FBXW11: variants seen among roughly 807,000 people sequenced by gnomAD.
The protein encoded by FBXW11 is F-box and WD repeat domain containing 11.
In FBXW11, 19 loss-of-function variants were observed where a neutral mutation model predicts 77.6. The ratio of observed to expected loss-of-function variants is 0.24; its 90% CI spans 0.17 to 0.36. The LOEUF (loss-of-function observed/expected upper bound fraction) is 0.36, where lower values mean the gene tolerates loss of function less well. Among genes scored for constraint, FBXW11 ranks in the 10% least tolerant of loss-of-function variants. The pLI is 1.00. For missense variants in FBXW11, 334 were observed against 704.2 expected (o/e 0.47, Z 5.95); for synonymous variants, 235 against 249.4 (o/e 0.94, Z 0.54).
At chr5:171,890,487 C>A (rs78670798) in intron 7 of FBXW11, among the ~76,000 whole-genome samples, 835 of 126,188 alleles carry the variant, frequency 6.6e-3, no homozygotes, top group Admixed American at 7.6e-3. Context: ...GACTCCGTCT[C>A]AAAAAAAAAA....
chr5:171,883,652 T>C (rs1480691060), intron 7 of FBXW11, among the ~76,000 whole-genome samples: 1 of 152,214 alleles, frequency 6.6e-6, no homozygotes, highest in African/African-American at 2.4e-5. Context: ...CTACTGTTTT[T>C]TGATTTTTTT....
chr5:171,939,065 C>T (rs1030083845), intron 2 of FBXW11, among the ~76,000 whole-genome samples: 1 of 151,670 alleles, frequency 6.6e-6, no homozygotes, highest in Non-Finnish European at 1.5e-5. Flanking sequence ...GAAACCTCAT[C>T]TCTACTAAAA....
At chr5:171,929,676 C>T (rs544282148) in intron 2 of FBXW11, among the ~76,000 whole-genome samples, 6 of 151,902 alleles carry the variant, frequency 3.9e-5, no homozygotes, top group African/African-American at 1.4e-4. Context: ...GTGGTGAAAC[C>T]CCATCTCTAC....
chr5:171,992,632 T>C (rs1228556062), intron 1 of FBXW11, among the ~76,000 whole-genome samples: 1 of 152,172 alleles, frequency 6.6e-6, no homozygotes, highest in Non-Finnish European at 1.5e-5. Flanking sequence ...CTGTAGCCCA[T>C]TCCTTTATGT....
intron 7 of FBXW11, among the ~76,000 whole-genome samples, chr5:171,886,594 ATAAT>A (rs2113822425): frequency 6.6e-6 from 1 of 151,956 alleles, no homozygotes; most frequent in Non-Finnish European, 1.5e-5. Context: ...AAATAAATAA[ATAAT>A]AAAATAAAAC....
At chr5:171,903,366 G>A (rs925900490) in intron 4 of FBXW11, among the ~76,000 whole-genome samples, 2 of 152,092 alleles carry the variant, frequency 1.3e-5, no homozygotes, top group African/African-American at 4.8e-5. Flanking sequence ...TGAAAGTGCT[G>A]GGATTACAGG....
rs766426149 is a variant in FBXW11, at chr5:171,926,594, G to A, written c.148-12189C>T. On this transcript the variant is annotated intron_variant, in intron 2 of 13. Transcript: ENST00000517395. ...CACCACTCTCTCTTCCTCCTGCTCC[G>A]GCCACACGAAGTGCCCGCTTCCCCT... 3.0e-4 allele frequency among the ~76,000 whole-genome samples: 45 copies of A among 152,042 alleles called. 1 individual carries two copies. The highest frequency in any genetic ancestry group is 1.5e-5 in the Non-Finnish European group (1 of 68,020).
At chr5:171,984,923 C>T (rs1765355643) in intron 1 of FBXW11, among the ~76,000 whole-genome samples, 2 of 152,194 alleles carry the variant, frequency 1.3e-5, no homozygotes, top group South Asian at 4.1e-4. Flanking sequence ...TTACTACTGC[C>T]TTCCAAAATT....
At chr5:171,893,977 AAG>A (rs1759565268) in intron 6 of FBXW11, among the ~76,000 whole-genome samples, 1 of 150,164 alleles carries the variant, frequency 6.7e-6, no homozygotes, top group African/African-American at 2.5e-5. Context: ...TTTAATTTAA[AAG>A]AGGGGATGGG....
In FBXW11 at chr5:171,890,920, TATA is replaced by T. The variant is rs1189833507; in HGVS notation, c.852+544_852+546del. 7.2e-5 allele frequency among the ~76,000 whole-genome samples: 11 copies of T among 152,326 alleles called. No individual in the cohort carries two copies. The East Asian group carries it at 1.2e-3, about 16-fold the overall frequency. ...AGAGCAAACTTCCCTGTTTGTAAGT[TATA>T]ATGTTTTTTTACAAAGTTTAAAAAA... On this transcript the variant is annotated intron_variant, in intron 7 of 13. Coordinates refer to ENST00000517395, the MANE Select transcript of FBXW11 (RefSeq NM_001378974.1).
intron 9 of FBXW11, among the ~76,000 whole-genome samples, chr5:171,873,241 G>A (rs370726304): frequency 1.3e-5 from 2 of 152,186 alleles, no homozygotes; most frequent in Non-Finnish European, 2.9e-5. Context: ...TCTTTACAAA[G>A]AGAACATCTC....
chr5:171,907,623 A>T (rs1421305781), intron 4 of FBXW11, among the ~76,000 whole-genome samples: 1 of 152,210 alleles, frequency 6.6e-6, no homozygotes, highest in Non-Finnish European at 1.5e-5. Flanking sequence ...TGTTCAGATC[A>T]AGTCCTGTTA....
At chr5:171,948,536 G>A (rs907239410) in intron 2 of FBXW11, among the ~76,000 whole-genome samples, 5 of 152,026 alleles carry the variant, frequency 3.3e-5, no homozygotes, top group Non-Finnish European at 7.4e-5. Context: ...CCAGGAGTTC[G>A]AGACCAGTCT....
At chr5:171,980,469 G>A (rs114781421) in intron 1 of FBXW11, among the ~76,000 whole-genome samples, 53 of 152,246 alleles carry the variant, frequency 3.5e-4, no homozygotes, top group Non-Finnish European at 6.0e-4. Context: ...TGCAATATAC[G>A]CATCTGACAA....
chr5:171,950,896 CATAA>C (rs1021553965), intron 2 of FBXW11, among the ~76,000 whole-genome samples: 2 of 151,898 alleles, frequency 1.3e-5, no homozygotes, highest in African/African-American at 2.4e-5. Flanking sequence ...CAAAAAAATA[CATAA>C]ATAAATAATT....
intron 1 of FBXW11, among the ~76,000 whole-genome samples, chr5:171,971,587 T>C (rs1280318040): frequency 6.6e-6 from 1 of 152,188 alleles, no homozygotes; most frequent in Non-Finnish European, 1.5e-5. Flanking sequence ...TCTGTATATG[T>C]TACCAGCAGC....
chr5:171,919,181 T>G (rs1335377751), intron 2 of FBXW11, among the ~76,000 whole-genome samples: 1 of 152,150 alleles, frequency 6.6e-6, no homozygotes, highest in Non-Finnish European at 1.5e-5. Context: ...TAGAGGTCCA[T>G]GGACTTGGGG....
intron 1 of FBXW11, among the ~76,000 whole-genome samples, chr5:171,984,576 T>C (rs1178508156): frequency 6.6e-6 from 1 of 152,208 alleles, no homozygotes; most frequent in Non-Finnish European, 1.5e-5. Context: ...GACAAAATAG[T>C]TATAAACAGT....
At chr5:171,984,868 C>T (rs995627531) in intron 1 of FBXW11, among the ~76,000 whole-genome samples, 2 of 152,122 alleles carry the variant, frequency 1.3e-5, no homozygotes, top group South Asian at 4.1e-4. Context: ...ATGTTATTTG[C>T]ATATTATAAA....
Sources: gnomAD v4.1 joint callset for allele counts (sites outside exome capture counted in the v4.1 genomes callset) on GRCh38, gnomAD v4.1.1 for gene constraint, MANE v1.5 for transcripts, NCBI Gene and HGNC (gene_info 2026-07-23, HGNC 2026-07-21) for gene names.